LAT2: variants seen among roughly 807,000 people sequenced by gnomAD.
The protein encoded by LAT2 is linker for activation of T cells family member 2.
In LAT2, 23 loss-of-function variants were observed where a neutral mutation model predicts 43.4. The observed-to-expected ratio is 0.53, with a 90% CI of 0.38 to 0.75. The LOEUF is 0.75. Among genes scored for constraint, LAT2 ranks in the 30% least tolerant of loss-of-function variants. The probability of loss-of-function intolerance (pLI) is 0.00; values close to 1 mark genes in which losing one functional copy is unlikely to be tolerated. For synonymous variants in LAT2, 128 were observed against 123.2 expected, an observed-to-expected ratio of 1.04 and a Z score of -0.26; for missense variants, 284 against 310.2, an observed-to-expected ratio of 0.92 and a Z score of 0.64.
chr7:74,223,172 C>T lies in LAT2; in HGVS notation c.389-552C>T, dbSNP rs531520284. On this transcript the variant is annotated intron_variant, in intron 10 of 13. Coordinates refer to ENST00000460943, the MANE Select transcript of LAT2 (RefSeq NM_032464.3). ...CGGCATGGGCCTGAATTGCAGCCCCCGCAGAGTACCCCCTCCAGAGTGCAT... is the reference window on the plus strand; with the variant it reads ...CGGCATGGGCCTGAATTGCAGCCCCTGCAGAGTACCCCCTCCAGAGTGCAT... Among the ~76,000 whole-genome samples, 10 of 152,312 alleles carry T rather than the reference C, an allele frequency of 6.6e-5. No homozygotes were observed. The East Asian group carries it at 7.7e-4, about 12-fold the overall frequency.
Position 74,220,141 on chromosome 7 carries a change from G to A in LAT2, c.228-76G>A, listed in dbSNP as rs559250880. 3 of 1,560,116 alleles carry A rather than the reference G, an allele frequency of 1.9e-6. No individual in the cohort carries two copies. Among genetic ancestry groups the A allele is most frequent in the Non-Finnish European group, 2.6e-6 (3 of 1,143,262 alleles). ...GCTCAGCTATGAAGGCCCCACAAGG[G>A]GTATGGGGGGATGTGTCCTGGGGGG... On this transcript the variant is annotated intron_variant, in intron 6 of 13. Coordinates refer to ENST00000460943, the MANE Select transcript of LAT2 (RefSeq NM_032464.3). This position sits in a 1 kb window ranked among gnomAD's most constrained non-coding sequence, Gnocchi z 4.5.
At chr7:74,218,955 C>CCCAA (rs1554714618) in intron 4 of LAT2, among the ~76,000 whole-genome samples, 1 of 150,168 alleles carries the variant, frequency 6.7e-6, no homozygotes, top group African/African-American at 2.5e-5. Context: ...GCCTTGGCCT[C>CCCAA]CCAAAGCCCT....
At chr7:74,210,753 G>A (rs1186864110) in intron 1 of LAT2, among the ~76,000 whole-genome samples, 5 of 152,140 alleles carry the variant, frequency 3.3e-5, no homozygotes, top group Non-Finnish European at 7.4e-5. Flanking sequence ...CTGGAGACCA[G>A]CCTGAGCAAC....
At chr7:74,214,744 TATAA>T (rs1234288166) in intron 1 of LAT2, 74 bp from the exon 2 acceptor site, 51 of 96,686 alleles carry the variant, frequency 5.3e-4, no homozygotes, top group African/African-American at 2.3e-3. Flanking sequence ...TATAAAAATA[TATAA>T]ATATATATAT....
At position 74,229,411 on chromosome 7, in the gene LAT2, T is replaced by C. The variant is rs1427121557; in HGVS notation, c.*486T>C. On this transcript the variant is annotated 3_prime_UTR_variant, in exon 14 of 14. Coordinates refer to ENST00000460943, the MANE Select transcript of LAT2 (RefSeq NM_032464.3). ...ATATTTAACATTCTGGATTTCAGAG[T>C]AGAGATTTCTGTGTTGTCTCCTAGA... The C allele has an allele frequency of 6.6e-6, 1 of 152,638 alleles. No homozygotes were observed. The highest frequency in any genetic ancestry group is 1.5e-5 in the Non-Finnish European group (1 of 68,046). 9.5% of individuals were successfully genotyped at this position (152,638 alleles called of 1,614,324 possible).
chr7:74,221,074 C>T (rs557939052), intron 9 of LAT2, among the ~76,000 whole-genome samples: 1 of 152,180 alleles, frequency 6.6e-6, no homozygotes, highest in South Asian at 2.1e-4. Flanking sequence ...GGGGGTGTTG[C>T]ATCATCTCAC....
At chr7:74,213,420 CATT>C (rs1271534531) in intron 1 of LAT2, among the ~76,000 whole-genome samples, 1 of 136,236 alleles carries the variant, frequency 7.3e-6, no homozygotes, top group South Asian at 2.4e-4. Context: ...TGTGCCCGGC[CATT>C]TTTTTTTTTT....
chr7:74,218,026 T>G (rs1376181348), intron 4 of LAT2, among the ~76,000 whole-genome samples: 7 of 152,060 alleles, frequency 4.6e-5, no homozygotes, highest in Admixed American at 3.3e-4. Context: ...CCTTGACTCC[T>G]CGGACACTTC....
intron 4 of LAT2, among the ~76,000 whole-genome samples, chr7:74,218,940 C>T (rs1424159103): frequency 2.7e-5 from 4 of 146,262 alleles, no homozygotes; most frequent in African/African-American, 1.0e-4. Context: ...TCAGGTGATT[C>T]GCCTGCCTTG....
chr7:74,221,594 C>T (rs781908861), intron 9 of LAT2, 43 bp from the exon 10 acceptor site: 1 of 1,573,060 alleles, frequency 6.4e-7, no homozygotes, highest in South Asian at 1.1e-5. Flanking sequence ...ACCCGATCTC[C>T]AGCCTGCCCT....
chr7:74,223,982 A>G (rs1175081879), intron 11 of LAT2, 36 bp from the exon 12 acceptor site: 29 of 1,601,438 alleles, frequency 1.8e-5, no homozygotes, highest in Non-Finnish European at 2.4e-5. Flanking sequence ...CCTCTGTGGG[A>G]CTGAGCCAAG....
rs959651449 is a variant in LAT2, at chr7:74,220,875, G to A, written c.332+141G>A. 4.4e-6 allele frequency: 3 copies of A among 689,146 alleles called. No homozygotes were observed. The highest frequency in any genetic ancestry group is 1.8e-5 in the African/African-American group (1 of 55,380). The allele number at this position is 689,146 out of a possible 1,614,324, so 42.7% of individuals were successfully genotyped here. A position where few individuals can be genotyped will look rare whatever the true frequency, so the allele number is the denominator to read the frequency against. ...CAGGAACCACCTCTTGCACTAGAAC[G>A]AGGCATCCAGGTTCCCCTCCTTCTC... On this transcript the variant is annotated intron_variant, in intron 9 of 13. Transcript: ENST00000460943. This position sits in a 1 kb window ranked among gnomAD's most constrained non-coding sequence, Gnocchi z 4.5.
chr7:74,225,055 C>T (rs1554715925), intron 13 of LAT2: 1 of 236,650 alleles, frequency 4.2e-6, no homozygotes, highest in Non-Finnish European at 8.4e-6. Flanking sequence ...GTGACAACCT[C>T]CCAGAACTTA....
intron 1 of LAT2, among the ~76,000 whole-genome samples, chr7:74,212,334 G>A (rs1801761081): frequency 1.3e-5 from 2 of 151,746 alleles, no homozygotes; most frequent in Non-Finnish European, 2.9e-5. Context: ...ATGCTGGAGT[G>A]CACTGGCGTG....
intron 1 of LAT2, among the ~76,000 whole-genome samples, chr7:74,214,266 GAAAATATATATATA>G (rs1554713722): frequency 4.8e-4 from 25 of 52,256 alleles, no homozygotes; most frequent in Non-Finnish European, 6.9e-4. Flanking sequence ...ATATATATAT[GAAAATATATATATA>G]AATATATATA....
intron 9 of LAT2, among the ~76,000 whole-genome samples, chr7:74,221,233 T>C (rs1269513514): frequency 1.3e-5 from 2 of 151,642 alleles, no homozygotes; most frequent in African/African-American, 2.4e-5. Flanking sequence ...CTCGCCAACA[T>C]GGTGAAACCT....
At chr7:74,214,040 G>GTA (rs374928543) in intron 1 of LAT2, among the ~76,000 whole-genome samples, 1,838 of 106,228 alleles carry the variant, frequency 0.017, 66 homozygotes, top group African/African-American at 0.044. Flanking sequence ...CCATATATAT[G>GTA]TATATATATA....
intron 10 of LAT2, 106 bp downstream of exon 10, chr7:74,221,798 C>T (rs564464550): frequency 1.6e-5 from 13 of 809,286 alleles, no homozygotes; most frequent in East Asian, 7.1e-5. Context: ...TCGGGTAAAT[C>T]GGCAGAGCCG....
At chr7:74,212,729 T>C (rs1554713327) in intron 1 of LAT2, among the ~76,000 whole-genome samples, 1 of 151,968 alleles carries the variant, frequency 6.6e-6, no homozygotes, top group Non-Finnish European at 1.5e-5. Flanking sequence ...ACACCCCGGG[T>C]TGGGGGCACT....
Sources: allele counts gnomAD v4.1 joint callset (sites outside exome capture counted in the v4.1 genomes callset), GRCh38; gene constraint gnomAD v4.1.1; non-coding constraint Gnocchi (gnomAD v3.1); transcripts MANE v1.5; gene names NCBI Gene and HGNC (gene_info 2026-07-23, HGNC 2026-07-21).